JAZF1: variants seen among roughly 807,000 people sequenced by gnomAD.
JAZF1 encodes JAZF zinc finger 1.
A neutral mutation model predicts 26.4 loss-of-function variants in JAZF1; 8 were observed. The observed-to-expected ratio is 0.30, with a 90% CI of 0.18 to 0.55. The LOEUF is 0.55. Among genes scored for constraint, JAZF1 ranks in the 20% least tolerant of loss-of-function variants. The pLI is 0.94. For missense variants in JAZF1, 199 were observed against 322.0 expected, an observed-to-expected ratio of 0.62 and a Z score of 2.92; for synonymous variants, 126 against 122.3, an observed-to-expected ratio of 1.03 and a Z score of -0.20.
At chr7:28,110,498 G>GAAAAGGA (rs371217428) in intron 1 of JAZF1, among the ~76,000 whole-genome samples, 592 of 37,516 alleles carry the variant, frequency 0.016, 20 homozygotes, top group Non-Finnish European at 0.023. Context: ...GAAAGGAAAG[G>GAAAAGGA]AAAGGAAAAG....
intron 1 of JAZF1, among the ~76,000 whole-genome samples, chr7:28,099,910 C>T (rs1299529589): frequency 6.6e-6 from 1 of 152,194 alleles, no homozygotes; most frequent in Non-Finnish European, 1.5e-5. Flanking sequence ...ACTTGGCCTG[C>T]CTCAACACTG....
chr7:28,069,134 A>G (rs1340886871), intron 1 of JAZF1, among the ~76,000 whole-genome samples: 1 of 152,262 alleles, frequency 6.6e-6, no homozygotes, highest in African/African-American at 2.4e-5. Flanking sequence ...GGGATGGAAG[A>G]GCCCAGTAAC....
intron 1 of JAZF1, among the ~76,000 whole-genome samples, chr7:28,085,876 C>G (rs1410935345): frequency 6.6e-5 from 10 of 152,322 alleles, no homozygotes. Context: ...CTTGTTGAAA[C>G]ATTTCATTTA....
rs183121503 is a variant in JAZF1, at chr7:28,048,194, T to C, written c.116-56213A>G. Among the ~76,000 whole-genome samples the C allele has an allele frequency of 5.2e-3, 793 of 152,302 alleles. 4 individuals carry two copies. Among genetic ancestry groups the C allele is most frequent in the Middle Eastern group, 0.014 (4 of 294 alleles). On this transcript the variant is annotated intron_variant, in intron 1 of 4. Transcript: ENST00000283928. ...TCATTTTTGGTAATTTTCAAATTCA[T>C]TTCTAAAAGACGGATACATAGAAAA...
chr7:27,840,550 G>A lies in JAZF1; in HGVS notation c.555+148C>T. On this transcript the variant is annotated intron_variant, in intron 4 of 4. Coordinates refer to ENST00000283928, the MANE Select transcript of JAZF1 (RefSeq NM_175061.4). The surrounding 1 kb of genome is among the most constrained non-coding windows in gnomAD (Gnocchi z 5.1). The stretch of plus-strand genomic sequence containing the variant: ...CTTGAGGGCACCTGTGTGCACACAG[G>A]GGTGAGGCCCACGCACTCTAATGCA... 1.2e-6 allele frequency: 1 copy of A among 814,010 alleles called. No homozygotes were observed. Among genetic ancestry groups the A allele is most frequent in the Non-Finnish European group, 2.0e-6 (1 of 507,808 alleles). The allele number at this position is 814,010 out of a possible 1,614,324, so 50.4% of individuals were successfully genotyped here.
intron 1 of JAZF1, among the ~76,000 whole-genome samples, chr7:28,070,049 G>A (rs1783952333): frequency 6.6e-6 from 1 of 152,122 alleles, no homozygotes; most frequent in Non-Finnish European, 1.5e-5. Context: ...CTTCAGATGT[G>A]GAGAGCTGAG....
At chr7:27,901,405 A>T (rs932652962) in intron 2 of JAZF1, among the ~76,000 whole-genome samples, 1 of 152,214 alleles carries the variant, frequency 6.6e-6, no homozygotes, top group African/African-American at 2.4e-5. Flanking sequence ...CACAGGGGGA[A>T]AATGTCAACT....
intron 2 of JAZF1, among the ~76,000 whole-genome samples, chr7:27,941,773 C>T (rs1190799055): frequency 6.6e-6 from 1 of 152,180 alleles, no homozygotes. Flanking sequence ...GGAGGGCAAT[C>T]AGACACAGCT....
At chr7:27,913,578 C>T (rs1784397822) in intron 2 of JAZF1, 3 of 240,566 alleles carry the variant, frequency 1.2e-5, no homozygotes, top group Non-Finnish European at 1.8e-5. Context: ...CTCTCTTTCA[C>T]ACTGAGTCAG....
intron 2 of JAZF1, among the ~76,000 whole-genome samples, chr7:27,940,824 C>G (rs965007355): frequency 6.6e-6 from 1 of 152,202 alleles, no homozygotes. Context: ...GTTTTGTCAA[C>G]AAAATTTACT....
chr7:28,088,979 A>C (rs1240114657), intron 1 of JAZF1, among the ~76,000 whole-genome samples: 1 of 152,194 alleles, frequency 6.6e-6, no homozygotes, highest in Admixed American at 6.5e-5. Flanking sequence ...CATACTCATC[A>C]TATTTCCAAT....
At chr7:27,949,828 A>G (rs550441416) in intron 2 of JAZF1, among the ~76,000 whole-genome samples, 4 of 152,334 alleles carry the variant, frequency 2.6e-5, no homozygotes, top group South Asian at 4.1e-4. Context: ...GACAATGCCA[A>G]TCGTTAAAAA....
chr7:27,994,750 GT>G (rs1176684004), intron 1 of JAZF1, among the ~76,000 whole-genome samples: 2 of 152,178 alleles, frequency 1.3e-5, no homozygotes, highest in Non-Finnish European at 1.5e-5. Flanking sequence ...ACAAATAAAT[GT>G]TGGTTCTGTC....
chr7:27,999,270 C>A (rs1786084673), intron 1 of JAZF1, among the ~76,000 whole-genome samples: 1 of 152,156 alleles, frequency 6.6e-6, no homozygotes, highest in East Asian at 1.9e-4. Flanking sequence ...TGTGCACACA[C>A]AAATAAATAT....
At chr7:28,054,743 C>T (rs562199228) in intron 1 of JAZF1, among the ~76,000 whole-genome samples, 6 of 152,146 alleles carry the variant, frequency 3.9e-5, no homozygotes, top group South Asian at 2.1e-4. Context: ...GAGGTGCAGA[C>T]GCTGGTAGAC....
chr7:28,010,043 G>GC (rs1025580403), intron 1 of JAZF1, among the ~76,000 whole-genome samples: 89 of 152,118 alleles, frequency 5.9e-4, no homozygotes, highest in African/African-American at 2.1e-3. Context: ...TTCTCTACAT[G>GC]CCCCCTACAC....
At chr7:27,988,192 GAAAAA>G (rs35744633) in intron 2 of JAZF1, among the ~76,000 whole-genome samples, 34 of 143,836 alleles carry the variant, frequency 2.4e-4, no homozygotes, top group Admixed American at 4.2e-4. Context: ...AATAAATACT[GAAAAA>G]AAAAAAAAAG....
chr7:27,856,353 T>C (rs1783252292), intron 3 of JAZF1, among the ~76,000 whole-genome samples: 1 of 152,218 alleles, frequency 6.6e-6, no homozygotes. Context: ...ACAGTGAGTG[T>C]TACAGCTCAT....
intron 1 of JAZF1, among the ~76,000 whole-genome samples, chr7:28,001,983 T>C (rs1351775499): frequency 1.3e-5 from 2 of 152,146 alleles, no homozygotes; most frequent in South Asian, 2.1e-4. Flanking sequence ...GCTTCTGACA[T>C]GTGGTAAGAT....
Sources: allele counts gnomAD v4.1 joint callset (sites outside exome capture counted in the v4.1 genomes callset), GRCh38; gene constraint gnomAD v4.1.1; non-coding constraint Gnocchi (gnomAD v3.1); transcripts MANE v1.5; gene names NCBI Gene and HGNC (gene_info 2026-07-23, HGNC 2026-07-21).